The following FSTL5 variants were observed in gnomAD, a reference collection of about 807,000 sequenced individuals.
The protein encoded by FSTL5 is follistatin like 5, also known as follistatin-related protein 5.
FSTL5 carries 62 observed loss-of-function variants against 89.1 expected under a neutral mutation model. The ratio of observed to expected loss-of-function variants is 0.70; its 90% CI spans 0.57 to 0.86. The LOEUF (loss-of-function observed/expected upper bound fraction) is 0.86. Among genes scored for constraint, FSTL5 ranks in the 40% least tolerant of loss-of-function variants. The probability of loss-of-function intolerance (pLI) is 0.00; values close to 1 mark genes in which losing one functional copy is unlikely to be tolerated. For synonymous variants in FSTL5, 383 were observed against 346.2 expected (o/e 1.11, Z -1.18); for missense variants, 1,057 against 1,001.6 (o/e 1.06, Z -0.75).
intron 4 of FSTL5, among the ~76,000 whole-genome samples, chr4:161,907,795 G>A (rs1449409915): frequency 6.6e-6 from 1 of 152,030 alleles, no homozygotes; most frequent in East Asian, 1.9e-4. Context: ...AGGTTAGCGT[G>A]CATGACAAAA....
At chr4:162,069,361 C>T (rs1002268181) in intron 2 of FSTL5, among the ~76,000 whole-genome samples, 1 of 151,668 alleles carries the variant, frequency 6.6e-6, no homozygotes, top group Non-Finnish European at 1.5e-5. Flanking sequence ...CATATCTTTC[C>T]CTTTAAACAT....
At chr4:161,395,075 A>G (rs1354639261) in intron 15 of FSTL5, among the ~76,000 whole-genome samples, 1 of 152,154 alleles carries the variant, frequency 6.6e-6, no homozygotes, top group Non-Finnish European at 1.5e-5. Flanking sequence ...CAGGTATTCT[A>G]AAAACCTGAG....
chr4:161,573,317 G>C (rs951647052), intron 8 of FSTL5, among the ~76,000 whole-genome samples: 15 of 151,716 alleles, frequency 9.9e-5, no homozygotes, highest in Non-Finnish European at 2.2e-4. Flanking sequence ...GGCTGAGGTG[G>C]GAGGATTGCT....
intron 6 of FSTL5, among the ~76,000 whole-genome samples, chr4:161,751,410 AAC>A (rs1740386527): frequency 6.6e-6 from 1 of 152,172 alleles, no homozygotes; most frequent in African/African-American, 2.4e-5. Context: ...TAGCAACAGC[AAC>A]ACAGACTAGA....
intron 5 of FSTL5, among the ~76,000 whole-genome samples, chr4:161,766,255 G>A (rs920604015): frequency 3.4e-4 from 51 of 150,732 alleles, no homozygotes; most frequent in Non-Finnish European, 5.7e-4. Context: ...TATCAAATGG[G>A]GAAAGGGCTA....
At chr4:162,075,977 T>C (rs548467347) in intron 2 of FSTL5, among the ~76,000 whole-genome samples, 2 of 152,022 alleles carry the variant, frequency 1.3e-5, no homozygotes, top group East Asian at 3.9e-4. Flanking sequence ...TATATAAAAG[T>C]GATTTCCTCA....
intron 3 of FSTL5, among the ~76,000 whole-genome samples, chr4:161,942,279 G>A (rs1578879529): frequency 1.4e-5 from 2 of 147,548 alleles, no homozygotes; most frequent in East Asian, 3.9e-4. Flanking sequence ...TAAAGATTAG[G>A]ACAGTAATAA....
intron 15 of FSTL5, among the ~76,000 whole-genome samples, chr4:161,411,448 A>G (rs1731587808): frequency 6.6e-6 from 1 of 152,144 alleles, no homozygotes; most frequent in Non-Finnish European, 1.5e-5. Flanking sequence ...ACAAAATACT[A>G]GCAAATAAAA....
chr4:161,523,098 G>A (rs745751304), intron 10 of FSTL5, among the ~76,000 whole-genome samples: 5 of 151,966 alleles, frequency 3.3e-5, no homozygotes, highest in South Asian at 2.1e-4. Flanking sequence ...TTTTATAAAC[G>A]TCTCTAATAG....
intron 6 of FSTL5, among the ~76,000 whole-genome samples, chr4:161,745,263 A>G (rs1740158717): frequency 6.6e-6 from 1 of 152,038 alleles, no homozygotes; most frequent in Non-Finnish European, 1.5e-5. Flanking sequence ...ATATTCGTAC[A>G]CCTCAAAGGA....
intron 6 of FSTL5, among the ~76,000 whole-genome samples, chr4:161,724,157 G>A (rs1175590563): frequency 6.6e-6 from 1 of 151,850 alleles, no homozygotes; most frequent in South Asian, 2.1e-4. Context: ...ATAATGTTGA[G>A]GAAAAATTAC....
chr4:161,945,552 C>G (rs1866799), intron 3 of FSTL5, among the ~76,000 whole-genome samples: 49,524 of 152,050 alleles, frequency 0.33, 9,727 homozygotes, highest in Non-Finnish European at 0.43. Flanking sequence ...AGGAGTTCGA[C>G]ACCAGCCTGT....
At chr4:161,796,862 A>G (rs911243192) in intron 4 of FSTL5, among the ~76,000 whole-genome samples, 4 of 151,596 alleles carry the variant, frequency 2.6e-5, no homozygotes, top group Admixed American at 1.3e-4. Context: ...TCTCAAAGTC[A>G]TAAGTTGAGG....
chr4:162,121,999 A>G (rs1731881789), intron 1 of FSTL5, among the ~76,000 whole-genome samples: 1 of 152,070 alleles, frequency 6.6e-6, no homozygotes, highest in African/African-American at 2.4e-5. Context: ...ATATATTAAC[A>G]TAACATACAA....
At chr4:162,020,226 G>A (rs1234897324) in intron 3 of FSTL5, among the ~76,000 whole-genome samples, 3 of 151,788 alleles carry the variant, frequency 2.0e-5, no homozygotes, top group Non-Finnish European at 4.4e-5. Flanking sequence ...TGGGACACAG[G>A]CCCCATGGAC....
At chr4:162,157,813 G>C (rs1164686415) in intron 1 of FSTL5, among the ~76,000 whole-genome samples, 2 of 152,032 alleles carry the variant, frequency 1.3e-5, no homozygotes, top group Non-Finnish European at 2.9e-5. Flanking sequence ...TGGCACACCT[G>C]GGAGCTGTGT....
At chr4:162,110,134 T>C (rs1472196145) in intron 2 of FSTL5, among the ~76,000 whole-genome samples, 1 of 152,094 alleles carries the variant, frequency 6.6e-6, no homozygotes, top group Non-Finnish European at 1.5e-5. Flanking sequence ...AGTATATTTT[T>C]ACATTATACT....
rs190492685 is a variant in FSTL5 at position 162,089,156 on chromosome 4, C to T, written c.126+22115G>A. 3.2e-4 allele frequency among the ~76,000 whole-genome samples: 48 copies of T among 152,200 alleles called. 1 individual carries two copies. The East Asian group carries it at 7.5e-3, about 24-fold the overall frequency. ...TCTTGCCTTCCATGGGATGATGCAG[C>T]AAGAAGGCACTTGCTAGTTGCTGGC... On this transcript the variant is annotated intron_variant, in intron 2 of 15. Transcript: ENST00000306100.
At chr4:161,859,644 G>GA (rs556241469) in intron 4 of FSTL5, among the ~76,000 whole-genome samples, 3 of 152,166 alleles carry the variant, frequency 2.0e-5, no homozygotes, top group South Asian at 2.1e-4. Flanking sequence ...TTAACTGCTG[G>GA]AAAAAAATAA....
Sources: gnomAD v4.1 joint callset for allele counts (sites outside exome capture counted in the v4.1 genomes callset) on GRCh38, gnomAD v4.1.1 for gene constraint, MANE v1.5 for transcripts, NCBI Gene and HGNC (gene_info 2026-07-23, HGNC 2026-07-21) for gene names.